EYS: variants seen among roughly 807,000 people sequenced by gnomAD.
EYS encodes protein eyes shut homolog.
A neutral mutation model predicts 282.1 loss-of-function variants in EYS; 250 were observed. The observed-to-expected ratio is 0.89, with a 90% CI of 0.80 to 0.98. The LOEUF (loss-of-function observed/expected upper bound fraction) is 0.98. Among genes scored for constraint, EYS ranks in the 50% least tolerant of loss-of-function variants. EYS has a pLI of 0.00. For synonymous variants in EYS, 1,355 were observed against 1,282.9 expected, an observed-to-expected ratio of 1.06 and a Z score of -1.20; for missense variants, 4,016 against 3,709.0, an observed-to-expected ratio of 1.08 and a Z score of -2.15.
intron 1 of EYS, among the ~76,000 whole-genome samples, chr6:65,658,096 C>A: frequency 6.6e-6 from 1 of 151,684 alleles, no homozygotes; most frequent in East Asian, 1.9e-4. Context: ...TAAGCATAAG[C>A]TTTATATGTG....
At chr6:64,995,010 C>T (rs1303323994) in intron 14 of EYS, among the ~76,000 whole-genome samples, 2 of 152,126 alleles carry the variant, frequency 1.3e-5, no homozygotes, top group Non-Finnish European at 2.9e-5. Flanking sequence ...CCTGAGACCT[C>T]GAGCTGTGCC....
chr6:64,775,658 C>G (rs1773656884), intron 22 of EYS, among the ~76,000 whole-genome samples: 1 of 151,926 alleles, frequency 6.6e-6, no homozygotes, highest in Non-Finnish European at 1.5e-5. Flanking sequence ...GTAATCCTAC[C>G]TATAGCAGTT....
In EYS at chr6:64,591,083, C is replaced by A; in HGVS notation, c.4784G>T (p.Ser1595Ile). Residue 1595 changes from serine (S) to isoleucine (I), a missense_variant, in exon 26 of 43, where the codon AGC becomes ATC. Ser to Ile is a moderately radical substitution (Grantham distance 142, BLOSUM62 -2). Transcript: ENST00000503581. ...TFWMNSAILA[S>I]WYALMGAQTI... ...TTGAGCTCCCATTAGTGCATACCAG[C>A]TGGCTAATATCGCTGAGTTCATCCA... 1 of 1,551,290 alleles carries A rather than the reference C, an allele frequency of 6.4e-7. No individual in the cohort carries two copies. The highest frequency in any genetic ancestry group is 8.7e-7 in the Non-Finnish European group (1 of 1,146,790).
chr6:63,804,288 T>A (rs1770850552), intron 37 of EYS, among the ~76,000 whole-genome samples: 1 of 152,218 alleles, frequency 6.6e-6, no homozygotes, highest in Admixed American at 6.5e-5. Flanking sequence ...AGTGCTGGGA[T>A]TACAGGCGTG....
At chr6:65,575,446 T>C (rs985728488) in intron 2 of EYS, among the ~76,000 whole-genome samples, 4 of 151,588 alleles carry the variant, frequency 2.6e-5, no homozygotes, top group Admixed American at 1.3e-4. Flanking sequence ...AGCAAAAGTA[T>C]TTCTAAGAAG....
At chr6:64,236,713 T>G (rs1481264545) in intron 30 of EYS, among the ~76,000 whole-genome samples, 2 of 136,308 alleles carry the variant, frequency 1.5e-5, no homozygotes, top group Admixed American at 1.5e-4. Flanking sequence ...TGTATTCTTT[T>G]TCTTCCTTTT....
At chr6:64,955,197 A>G (rs1347706260) in intron 14 of EYS, among the ~76,000 whole-genome samples, 6 of 138,314 alleles carry the variant, frequency 4.3e-5, no homozygotes, top group Non-Finnish European at 9.4e-5. Context: ...AAAACAAACA[A>G]CCAACAAAAA....
At chr6:65,107,439 T>G (rs1239179009) in intron 12 of EYS, among the ~76,000 whole-genome samples, 2 of 151,846 alleles carry the variant, frequency 1.3e-5, no homozygotes, top group Non-Finnish European at 2.9e-5. Flanking sequence ...TAAAAGAAAC[T>G]TGTATTATCT....
intron 1 of EYS, among the ~76,000 whole-genome samples, chr6:65,656,108 A>G (rs1223915893): frequency 6.6e-6 from 1 of 151,852 alleles, no homozygotes; most frequent in African/African-American, 2.4e-5. Flanking sequence ...TAAGATCACA[A>G]ACCTAATCAA....
chr6:65,176,865 C>A (rs1395654688), intron 12 of EYS, among the ~76,000 whole-genome samples: 1 of 151,412 alleles, frequency 6.6e-6, no homozygotes, highest in East Asian at 2.0e-4. Context: ...TTATAAATAA[C>A]TAGAACATGT....
At chr6:64,924,617 A>T (rs1465394484) in intron 15 of EYS, among the ~76,000 whole-genome samples, 2 of 152,200 alleles carry the variant, frequency 1.3e-5, no homozygotes, top group African/African-American at 4.8e-5. Flanking sequence ...CTTTAACAGT[A>T]CCCAAGTCAC....
At chr6:65,230,982 T>C (rs889612509) in intron 12 of EYS, among the ~76,000 whole-genome samples, 2 of 149,948 alleles carry the variant, frequency 1.3e-5, no homozygotes, top group African/African-American at 4.9e-5. Flanking sequence ...TACAATAATC[T>C]GTACAACAAA....
At chr6:65,572,867 T>C (rs1764527905) in intron 2 of EYS, among the ~76,000 whole-genome samples, 1 of 152,174 alleles carries the variant, frequency 6.6e-6, no homozygotes, top group African/African-American at 2.4e-5. Flanking sequence ...GATTAAGCAT[T>C]TTAAAAATCT....
chr6:64,700,483 C>A (rs1770744542), intron 22 of EYS, among the ~76,000 whole-genome samples: 2 of 151,904 alleles, frequency 1.3e-5, no homozygotes, highest in Non-Finnish European at 2.9e-5. Flanking sequence ...CTAGGAAAGG[C>A]TAAAGACTCC....
intron 29 of EYS, among the ~76,000 whole-genome samples, chr6:64,383,287 G>C (rs1772809951): frequency 6.6e-6 from 1 of 152,154 alleles, no homozygotes; most frequent in Non-Finnish European, 1.5e-5. Flanking sequence ...GGTGACAAAA[G>C]TGAGAACCTG....
intron 13 of EYS, among the ~76,000 whole-genome samples, chr6:64,998,713 CAG>C (rs1287018483): frequency 1.3e-5 from 2 of 152,218 alleles, no homozygotes; most frequent in East Asian, 3.9e-4. Flanking sequence ...AATAAATAAA[CAG>C]ATGTAATTGT....
intron 1 of EYS, among the ~76,000 whole-genome samples, chr6:65,670,800 A>G (rs991353147): frequency 4.6e-5 from 7 of 152,130 alleles, no homozygotes; most frequent in Non-Finnish European, 1.5e-5. Context: ...TCCATATTTA[A>G]AAACATTTAT....
intron 14 of EYS, among the ~76,000 whole-genome samples, chr6:64,946,159 T>C (rs572410333): frequency 6.6e-6 from 1 of 152,152 alleles, no homozygotes; most frequent in South Asian, 2.1e-4. Context: ...TATTAAAGAT[T>C]TATGCATTAT....
intron 26 of EYS, among the ~76,000 whole-genome samples, chr6:64,529,008 G>A (rs556972831): frequency 3.3e-5 from 5 of 151,938 alleles, no homozygotes; most frequent in Middle Eastern, 3.2e-3. Flanking sequence ...ACATACAATG[G>A]TATACAGAGT....
Sources: allele counts gnomAD v4.1 joint callset (sites outside exome capture counted in the v4.1 genomes callset), GRCh38; gene constraint gnomAD v4.1.1; transcripts MANE v1.5; gene names NCBI Gene and HGNC (gene_info 2026-07-23, HGNC 2026-07-21).